SLC12A6: variants seen among roughly 807,000 people sequenced by gnomAD.
The protein encoded by SLC12A6 is K-Cl cotransporter 3.
In SLC12A6, 66 loss-of-function variants were observed where a neutral mutation model predicts 135.3. The observed-to-expected ratio is 0.49, with a 90% confidence interval of 0.40 to 0.60. The LOEUF is 0.60. SLC12A6 is among the 20% of genes least tolerant of loss of function. SLC12A6 has a pLI of 0.00. For synonymous variants in SLC12A6, 513 were observed against 508.8 expected, an observed-to-expected ratio of 1.01 and a Z score of -0.11; for missense variants, 1,058 against 1,452.3, an observed-to-expected ratio of 0.73 and a Z score of 4.41.
intron 20 of SLC12A6, chr15:34,238,692 G>A (rs998685023): frequency 1.8e-5 from 11 of 599,122 alleles, no homozygotes; most frequent in Non-Finnish European, 3.0e-5. Context: ...CAATTCCTGT[G>A]AGAACATCAA....
intron 18 of SLC12A6, 152 bp from the exon 19 acceptor site, chr15:34,240,981 C>A (rs181398430): frequency 4.5e-5 from 32 of 706,532 alleles, no homozygotes; most frequent in Non-Finnish European, 7.6e-5. Context: ...AGGATAAGGG[C>A]ATTATTTTGA....
intron 2 of SLC12A6, among the ~76,000 whole-genome samples, chr15:34,322,158 G>A (rs1889136248): frequency 6.6e-6 from 1 of 152,114 alleles, no homozygotes. Context: ...AGCTGAGGTG[G>A]ACGGATCACC....
At chr15:34,243,941 CG>C (rs1566806022) in intron 16 of SLC12A6, 32 bp downstream of exon 16, 2 of 1,263,800 alleles carry the variant, frequency 1.6e-6, no homozygotes, top group Admixed American at 3.4e-5. Context: ...TCTCTCCAAA[CG>C]TGAGTAAAAA....
chr15:34,336,712 G>A lies in SLC12A6; in HGVS notation c.-32C>T. The A allele has an allele frequency of 3.7e-6, 6 of 1,604,770 alleles. No homozygotes were observed. Among genetic ancestry groups the A allele is most frequent in the African/African-American group, 1.3e-5 (1 of 74,806 alleles). On this transcript the variant is annotated 5_prime_UTR_variant, in exon 2 of 26. Coordinates refer to ENST00000354181, the MANE Select transcript of SLC12A6 (RefSeq NM_001365088.1). Reference sequence around the variant, plus strand: ...CTTTTTAAGAACAAAAAAAGTGGGGGGAACCTCGCAAAATCTTCCTCTTAC... The same window carrying A: ...CTTTTTAAGAACAAAAAAAGTGGGGAGAACCTCGCAAAATCTTCCTCTTAC...
chr15:34,324,718 G>A (rs1028865469), intron 2 of SLC12A6, among the ~76,000 whole-genome samples: 1 of 152,096 alleles, frequency 6.6e-6, no homozygotes, highest in Admixed American at 6.5e-5. Context: ...GAGGGCTACC[G>A]GTAGGGAAAG....
chr15:34,287,280 C>T (rs1895156595), intron 2 of SLC12A6, among the ~76,000 whole-genome samples: 1 of 152,144 alleles, frequency 6.6e-6, no homozygotes, highest in South Asian at 2.1e-4. Flanking sequence ...ATGTTTCCAG[C>T]TTCATCCATG....
Position 34,336,738 on chromosome 15 carries a change from G to C in SLC12A6, c.-58C>G. Reference sequence around the variant, plus strand: ...GAACCTCGCAAAATCTTCCTCTTACGCTAGCTACTTTTGACTGCAATACAA... The same window carrying C: ...GAACCTCGCAAAATCTTCCTCTTACCCTAGCTACTTTTGACTGCAATACAA... On this transcript the variant is annotated 5_prime_UTR_variant, in exon 2 of 26. Transcript: ENST00000354181. The C allele has an allele frequency of 7.1e-6, 10 of 1,412,954 alleles. No individual in the cohort carries two copies. In the South Asian group the frequency reaches 8.1e-5, roughly 11 times the overall value. The allele number at this position is 1,412,954 out of a possible 1,614,324, so 87.5% of individuals were successfully genotyped here.
chr15:34,289,206 T>C (rs1431607553), intron 2 of SLC12A6, among the ~76,000 whole-genome samples: 2 of 152,216 alleles, frequency 1.3e-5, no homozygotes, highest in Non-Finnish European at 2.9e-5. Flanking sequence ...GGCTGTTGAA[T>C]TTTGTTGAAG....
At chr15:34,265,393 A>C (rs1005929405) in intron 3 of SLC12A6, among the ~76,000 whole-genome samples, 1 of 140,778 alleles carries the variant, frequency 7.1e-6, no homozygotes, top group Non-Finnish European at 1.5e-5. Context: ...TAAAAACAAC[A>C]ACAGCAATTA....
At chr15:34,323,737 G>C (rs112681080) in intron 2 of SLC12A6, among the ~76,000 whole-genome samples, 68 of 152,220 alleles carry the variant, frequency 4.5e-4, no homozygotes, top group African/African-American at 1.5e-3. Context: ...GACTGCTTGA[G>C]CTCAGGAGTT....
chr15:34,308,635 A>T (rs1171048696), intron 2 of SLC12A6, among the ~76,000 whole-genome samples: 13 of 150,396 alleles, frequency 8.6e-5, no homozygotes, highest in Non-Finnish European at 1.5e-4. Flanking sequence ...CCTGACAAAA[A>T]AAAAAAAAAA....
intron 14 of SLC12A6, 140 bp from the exon 15 acceptor site, chr15:34,245,543 G>T: frequency 1.1e-6 from 1 of 892,728 alleles, no homozygotes; most frequent in South Asian, 1.3e-5. Flanking sequence ...AGCACTCACA[G>T]GTAAACTCAT....
At chr15:34,289,284 C>T (rs895104386) in intron 2 of SLC12A6, among the ~76,000 whole-genome samples, 4 of 152,128 alleles carry the variant, frequency 2.6e-5, no homozygotes, top group African/African-American at 7.2e-5. Context: ...TGTTGGATTA[C>T]GTTTATTGAT....
At chr15:34,251,690 T>C (rs1892403754) in intron 10 of SLC12A6, among the ~76,000 whole-genome samples, 1 of 152,260 alleles carries the variant, frequency 6.6e-6, no homozygotes. Flanking sequence ...CATTATTATT[T>C]GTCATCAGTG....
chr15:34,283,215 C>T (rs1274283365), intron 2 of SLC12A6, among the ~76,000 whole-genome samples: 1 of 152,098 alleles, frequency 6.6e-6, no homozygotes, highest in East Asian at 1.9e-4. Flanking sequence ...TGGTGGCAGG[C>T]ACCTGTAATC....
intron 10 of SLC12A6, among the ~76,000 whole-genome samples, chr15:34,251,511 T>C (rs1346756505): frequency 2.0e-5 from 3 of 152,186 alleles, no homozygotes; most frequent in Non-Finnish European, 4.4e-5. Context: ...CCTCCCAAAG[T>C]GCTAGGATTA....
chr15:34,256,878 A>T (rs1381834292), intron 6 of SLC12A6, among the ~76,000 whole-genome samples: 1 of 152,164 alleles, frequency 6.6e-6, no homozygotes. Flanking sequence ...CAGAGAATAG[A>T]TTAGCGTTGG....
chr15:34,264,044 T>C (rs1893333207), intron 3 of SLC12A6, among the ~76,000 whole-genome samples: 1 of 152,172 alleles, frequency 6.6e-6, no homozygotes, highest in South Asian at 2.1e-4. Context: ...CATCTTGCCT[T>C]TCTTGTGCCA....
chr15:34,311,019 T>C (rs960517383), intron 2 of SLC12A6, among the ~76,000 whole-genome samples: 2 of 152,204 alleles, frequency 1.3e-5, no homozygotes, highest in African/African-American at 4.8e-5. Context: ...CCTCATTTAA[T>C]AGAAATTTGT....
Sources: allele counts gnomAD v4.1 joint callset (sites outside exome capture counted in the v4.1 genomes callset), GRCh38; gene constraint gnomAD v4.1.1; transcripts MANE v1.5; gene names NCBI Gene and HGNC (gene_info 2026-07-23, HGNC 2026-07-21).